Variants in SORCS1 observed in about 807,000 individuals in gnomAD.
SORCS1 encodes sortilin related VPS10 domain containing receptor 1, also known as VPS10 domain-containing receptor SorCS1.
Under a neutral mutation model 146.1 loss-of-function variants are expected in SORCS1, and 60 were observed. The ratio of observed to expected loss-of-function variants is 0.41; its 90% CI spans 0.33 to 0.51. SORCS1 has a LOEUF of 0.51. Ranked by LOEUF, SORCS1 falls within the 20% of genes least tolerant of loss-of-function variation. The pLI is 0.21. For synonymous variants in SORCS1, 637 were observed against 584.0 expected (o/e 1.09, Z -1.31); for missense variants, 1,352 against 1,487.6 (o/e 0.91, Z 1.50).
At chr10:106,872,685 T>C (rs569055252) in intron 2 of SORCS1, among the ~76,000 whole-genome samples, 1 of 152,292 alleles carries the variant, frequency 6.6e-6, no homozygotes, top group Non-Finnish European at 1.5e-5. Flanking sequence ...CTACTGTGGT[T>C]GCAATGGTTA....
intron 2 of SORCS1, among the ~76,000 whole-genome samples, chr10:106,841,693 G>C (rs1315650895): frequency 6.6e-6 from 1 of 152,140 alleles, no homozygotes; most frequent in Admixed American, 6.5e-5. Flanking sequence ...CATCTAGCCT[G>C]TTCAGATTGG....
At chr10:107,152,133 A>G (rs1968858776) in intron 1 of SORCS1, among the ~76,000 whole-genome samples, 2 of 152,188 alleles carry the variant, frequency 1.3e-5, no homozygotes, top group Admixed American at 1.3e-4. Context: ...TGCTTCAGAG[A>G]GTGCAAACCC....
In SORCS1 at chr10:107,041,750, G is replaced by A. The variant is rs182311035; in HGVS notation, c.559-85170C>T. ...GACCTCAGAACCCTTAGATTGGTCC[G>A]ACAGAGGGGCTAAGGCACTACATTT... On this transcript the variant is annotated intron_variant, in intron 1 of 25. Coordinates refer to ENST00000263054, the MANE Select transcript of SORCS1 (RefSeq NM_052918.5). 3.2e-3 allele frequency among the ~76,000 whole-genome samples: 491 copies of A among 152,236 alleles called. 3 individuals carry two copies. Among genetic ancestry groups the A allele is most frequent in the African/African-American group, 4.6e-3 (192 of 41,538 alleles).
intron 21 of SORCS1, among the ~76,000 whole-genome samples, chr10:106,612,898 C>G (rs544303554): frequency 3.4e-4 from 51 of 152,194 alleles, no homozygotes; most frequent in African/African-American, 1.2e-3. Flanking sequence ...CACCGTTCTT[C>G]TGCCTAGAAC....
At chr10:106,769,068 C>T (rs1045376807) in intron 4 of SORCS1, among the ~76,000 whole-genome samples, 8 of 152,164 alleles carry the variant, frequency 5.3e-5, no homozygotes, top group African/African-American at 1.7e-4. Flanking sequence ...CTTAGTATGA[C>T]TGAGATTTTG....
At chr10:106,700,024 A>G (rs1349862977) in intron 8 of SORCS1, among the ~76,000 whole-genome samples, 1 of 152,222 alleles carries the variant, frequency 6.6e-6, no homozygotes, top group Non-Finnish European at 1.5e-5. Flanking sequence ...CATTCACCAG[A>G]GAAACCCAAA....
chr10:106,796,045 T>C (rs1946539227), intron 3 of SORCS1, among the ~76,000 whole-genome samples: 1 of 152,242 alleles, frequency 6.6e-6, no homozygotes, highest in African/African-American at 2.4e-5. Flanking sequence ...TCAAATCTTA[T>C]ATACCTATAA....
chr10:107,073,837 T>C (rs1315671154), intron 1 of SORCS1, among the ~76,000 whole-genome samples: 1 of 152,146 alleles, frequency 6.6e-6, no homozygotes, highest in African/African-American at 2.4e-5. Context: ...CAAAGAAGGT[T>C]ACTTTCAGAA....
intron 1 of SORCS1, among the ~76,000 whole-genome samples, chr10:107,041,110 G>A (rs922345021): frequency 1.3e-5 from 2 of 152,064 alleles, no homozygotes; most frequent in African/African-American, 4.8e-5. Flanking sequence ...AAATCTCTAA[G>A]ATGTATTATT....
chr10:106,939,668 A>G (rs1953930908), intron 2 of SORCS1, among the ~76,000 whole-genome samples: 1 of 152,236 alleles, frequency 6.6e-6, no homozygotes, highest in Non-Finnish European at 1.5e-5. Flanking sequence ...CAGCAGGAGA[A>G]AGAAATAAAG....
At chr10:106,957,155 G>GTTTTTTTT (rs373309411) in intron 1 of SORCS1, among the ~76,000 whole-genome samples, 1 of 136,428 alleles carries the variant, frequency 7.3e-6, no homozygotes. Context: ...TTAGCATGTG[G>GTTTTTTTT]TTTTTTTTTG....
At chr10:107,113,663 C>G (rs540865885) in intron 1 of SORCS1, among the ~76,000 whole-genome samples, 1 of 141,954 alleles carries the variant, frequency 7.0e-6, no homozygotes, top group East Asian at 2.1e-4. Flanking sequence ...GCACTCCAGC[C>G]TGGGTAACAG....
At chr10:107,038,483 A>G (rs1959009120) in intron 1 of SORCS1, among the ~76,000 whole-genome samples, 1 of 152,076 alleles carries the variant, frequency 6.6e-6, no homozygotes. Flanking sequence ...TGGCACATGT[A>G]TACATATGTA....
chr10:106,834,237 G>A (rs1426160983), intron 2 of SORCS1, among the ~76,000 whole-genome samples: 2 of 152,212 alleles, frequency 1.3e-5, no homozygotes, highest in East Asian at 3.8e-4. Context: ...GCCCAACAAA[G>A]AGGTTAGGCA....
intron 1 of SORCS1, among the ~76,000 whole-genome samples, chr10:106,962,874 C>T (rs1026218715): frequency 6.6e-6 from 1 of 152,150 alleles, no homozygotes; most frequent in Non-Finnish European, 1.5e-5. Context: ...CACCTTTGTC[C>T]TGCTCCCACC....
chr10:107,057,980 G>A (rs1181453975), intron 1 of SORCS1, among the ~76,000 whole-genome samples: 1 of 152,100 alleles, frequency 6.6e-6, no homozygotes, highest in East Asian at 1.9e-4. Context: ...CACAGTGCCT[G>A]GCCTTACTGG....
At chr10:106,696,519 C>A (rs781061815) in intron 9 of SORCS1, among the ~76,000 whole-genome samples, 14 of 152,124 alleles carry the variant, frequency 9.2e-5, no homozygotes, top group South Asian at 2.1e-4. Flanking sequence ...ACAAAGACTC[C>A]TCTCTCCCAG....
intron 3 of SORCS1, among the ~76,000 whole-genome samples, chr10:106,810,448 C>T (rs551537750): frequency 6.6e-6 from 1 of 152,246 alleles, no homozygotes; most frequent in South Asian, 2.1e-4. Context: ...CACTTTGTAT[C>T]TAATAAGCCT....
chr10:107,003,201 G>A (rs1248124855), intron 1 of SORCS1, among the ~76,000 whole-genome samples: 1 of 151,956 alleles, frequency 6.6e-6, no homozygotes, highest in Non-Finnish European at 1.5e-5. Flanking sequence ...GTTACAGTGA[G>A]CTGAGATCAC....
Sources: gnomAD v4.1 joint callset for allele counts (sites outside exome capture counted in the v4.1 genomes callset) on GRCh38, gnomAD v4.1.1 for gene constraint, MANE v1.5 for transcripts, NCBI Gene and HGNC (gene_info 2026-07-23, HGNC 2026-07-21) for gene names.